ABCA4: variants seen among roughly 807,000 people sequenced by gnomAD.
The protein encoded by ABCA4 is ATP binding cassette subfamily A member 4.
In ABCA4, 196 loss-of-function variants were observed where a neutral mutation model predicts 263.7. The observed-to-expected ratio is 0.74, with a 90% CI of 0.66 to 0.84. The LOEUF (loss-of-function observed/expected upper bound fraction) is 0.84. Among genes scored for constraint, ABCA4 ranks in the 40% least tolerant of loss-of-function variants. The probability of loss-of-function intolerance (pLI) is 0.00; values close to 1 mark genes in which losing one functional copy is unlikely to be tolerated. For synonymous variants in ABCA4, 1,133 were observed against 1,094.2 expected (o/e 1.04, Z -0.70); for missense variants, 2,792 against 2,855.1 (o/e 0.98, Z 0.50).
In ABCA4 at chr1:94,112,273, C is replaced by A. The variant is rs571725619; in HGVS notation, c.161-694G>T. Among the ~76,000 whole-genome samples the A allele has an allele frequency of 2.0e-5, 3 of 152,238 alleles. No homozygotes were observed. The South Asian group carries it at 6.2e-4, about 32-fold the overall frequency. On this transcript the variant is annotated intron_variant, in intron 2 of 49. Coordinates refer to ENST00000370225, the MANE Select transcript of ABCA4 (RefSeq NM_000350.3). ...CAAGAAATAAAATTTTTCTTCAGTA[C>A]GATTGTATAGCATCTCTTGTCCTCA...
chr1:94,109,868 CT>C (rs967836728), intron 3 of ABCA4, among the ~76,000 whole-genome samples: 1 of 152,216 alleles, frequency 6.6e-6, no homozygotes, highest in African/African-American at 2.4e-5. Flanking sequence ...CAATATTTCA[CT>C]CATAATGTGA....
At position 94,028,930 on chromosome 1, in the gene ABCA4, A is replaced by AAAAAAAAAAAAAAAC. The variant is rs35998587; in HGVS notation, c.4539+514_4539+515insGTTTTTTTTTTTTTT. Among the ~76,000 whole-genome samples, 7 of 108,032 alleles carry AAAAAAAAAAAAAAAC rather than the reference A, an allele frequency of 6.5e-5. 1 individual carries two copies. Among genetic ancestry groups the AAAAAAAAAAAAAAAC allele is most frequent in the African/African-American group, 1.9e-4 (5 of 26,332 alleles). 70.9% of individuals were successfully genotyped at this position (108,032 alleles called of 152,430 possible). ...TCAAAAAAAAAAAAAAAAAAAAAAAAGAAATTCAAACAATGGGATAATATA... is the reference window on the plus strand; with the variant it reads ...TCAAAAAAAAAAAAAAAAAAAAAAAAAAAAAAAAAAAAAACGAAATTCAAACAATGGGATAATATA... On this transcript the variant is annotated intron_variant, in intron 30 of 49. Transcript: ENST00000370225.
Position 94,036,799 on chromosome 1 carries a change from GA to G in ABCA4, c.3814-12del. On this transcript the variant is annotated splice_polypyrimidine_tract_variant and intron_variant, in intron 25 of 49. Transcript: ENST00000370225. Reference sequence around the variant, plus strand: ...GACCTTCAGAAAAATCTGTCAAGAAGAAAAAAAGAGAGAATTTTGTTTAGTC... The same window carrying G: ...GACCTTCAGAAAAATCTGTCAAGAAGAAAAAAGAGAGAATTTTGTTTAGTC... 6.2e-7 allele frequency: 1 copy of G among 1,613,322 alleles called. No homozygotes were observed. Among genetic ancestry groups the G allele is most frequent in the Non-Finnish European group, 8.5e-7 (1 of 1,179,394 alleles).
chr1:94,078,564 C>G (rs1661598911), intron 10 of ABCA4, 26 bp downstream of exon 10: 1 of 887,392 alleles, frequency 1.1e-6, no homozygotes, highest in South Asian at 1.3e-5. Context: ...CCTCCCCTCC[C>G]CTCCCCATCC....
At chr1:94,016,080 T>C (rs773252911) in intron 36 of ABCA4, among the ~76,000 whole-genome samples, 17 of 152,214 alleles carry the variant, frequency 1.1e-4, no homozygotes, top group Non-Finnish European at 1.6e-4. Flanking sequence ...AGTTTGTATC[T>C]TTTGAAAGGA....
intron 13 of ABCA4, among the ~76,000 whole-genome samples, chr1:94,062,161 C>T (rs1392525159): frequency 1.3e-5 from 2 of 152,082 alleles, no homozygotes; most frequent in East Asian, 3.9e-4. Flanking sequence ...TGCATTATTC[C>T]AGGGCTCCCA....
intron 1 of ABCA4, among the ~76,000 whole-genome samples, chr1:94,113,519 G>A (rs1021427078): frequency 6.6e-6 from 1 of 152,218 alleles, no homozygotes; most frequent in Admixed American, 6.5e-5. Context: ...AGGCTCAGAG[G>A]AGGCAGGTGA....
intron 16 of ABCA4, 121 bp downstream of exon 16, chr1:94,054,990 A>T: frequency 1.9e-6 from 2 of 1,068,258 alleles, no homozygotes; most frequent in Non-Finnish European, 2.8e-6. Flanking sequence ...TTCTAGATTT[A>T]AACTTCAAAT....
chr1:94,055,327 C>A lies in ABCA4; in HGVS notation c.2383-12G>T. 6.2e-7 allele frequency: 1 copy of A among 1,613,240 alleles called. No homozygotes were observed. Among genetic ancestry groups the A allele is most frequent in the Non-Finnish European group, 8.5e-7 (1 of 1,179,794 alleles). On this transcript the variant is annotated splice_polypyrimidine_tract_variant and intron_variant, in intron 15 of 49. Coordinates refer to ENST00000370225, the MANE Select transcript of ABCA4 (RefSeq NM_000350.3). ...GGAGACAGTAAGCTCTGCAGTGAGG[C>A]GGAGAGGGCACAGAAAAAGAGCAGT...
intron 14 of ABCA4, among the ~76,000 whole-genome samples, chr1:94,057,662 C>T (rs1044478762): frequency 2.0e-5 from 3 of 152,204 alleles, no homozygotes; most frequent in African/African-American, 7.2e-5. Context: ...TTCCTAGAAC[C>T]TGCTGGCAGT....
At chr1:94,036,922 A>G (rs1660353978) in intron 25 of ABCA4, 134 bp from the exon 26 acceptor site, 2 of 970,894 alleles carry the variant, frequency 2.1e-6, no homozygotes, top group East Asian at 2.5e-5. Context: ...TGAGAACATC[A>G]TCTTCTATAA....
chr1:94,008,276 G>T lies in ABCA4; in HGVS notation c.5857C>A (p.Pro1953Thr). Residue 1953 changes from proline (P) to threonine (T), a missense_variant, in exon 42 of 50, where the codon CCA becomes ACA. Pro to Thr is a conservative substitution (Grantham distance 38). Coordinates refer to ENST00000370225, the MANE Select transcript of ABCA4 (RefSeq NM_000350.3). ...LTKIYPGTSS[P>T]AVDRLCVGVR... ...CCGACACACAGCCTGTCCACTGCTG[G>T]GCTGGAGGTGCCTGGATAAATCTGC... 1 of 1,614,174 alleles carries T rather than the reference G, an allele frequency of 6.2e-7. No individual in the cohort carries two copies. Among genetic ancestry groups the T allele is most frequent in the Non-Finnish European group, 8.5e-7 (1 of 1,180,034 alleles).
chr1:94,029,464 C>A lies in ABCA4; in HGVS notation c.4520G>T (p.Gly1507Val), dbSNP rs2101033441. ...AGGTACCTGGGGGGGCGGGAGGCCC[C>A]CGGCACCCTCGGGGCACTCTGGCAG... The part of the protein sequence containing the change: ...TMLPECPEGA[G>V]GLPPPQRTQR... The change falls in exon 30 of 50, where the codon GGG becomes GTG. Residue 1507 changes from glycine (G) to valine (V), a missense_variant. Transcript: ENST00000370225. 6.4e-7 allele frequency: 1 copy of A among 1,560,812 alleles called. No homozygotes were observed. The highest frequency in any genetic ancestry group is 8.7e-7 in the Non-Finnish European group (1 of 1,151,370).
chr1:93,999,726 A>G (rs1049694026), intron 47 of ABCA4, among the ~76,000 whole-genome samples: 1 of 152,022 alleles, frequency 6.6e-6, no homozygotes, highest in Non-Finnish European at 1.5e-5. Context: ...AAGGCTGTTT[A>G]CCTTTCAGCT....
At chr1:94,085,386 AG>A (rs1016503581) in intron 6 of ABCA4, among the ~76,000 whole-genome samples, 18 of 152,246 alleles carry the variant, frequency 1.2e-4, no homozygotes, top group Non-Finnish European at 2.5e-4. Context: ...ATAATAAAAA[AG>A]GTTTTAGTGT....
chr1:94,099,125 T>G (rs1213841450), intron 5 of ABCA4, 134 bp from the exon 6 acceptor site: 1 of 994,594 alleles, frequency 1.0e-6, no homozygotes, highest in Non-Finnish European at 1.5e-6. Context: ...TTAAAGCCAC[T>G]GATTAGCTGA....
chr1:94,004,280 C>T (rs754744133), intron 44 of ABCA4, among the ~76,000 whole-genome samples: 2 of 152,232 alleles, frequency 1.3e-5, no homozygotes, highest in Non-Finnish European at 2.9e-5. Context: ...GGTTCCTATC[C>T]ATGACCTCAC....
intron 1 of ABCA4, 31 bp downstream of exon 1, chr1:94,120,949 T>A: frequency 1.8e-6 from 2 of 1,119,352 alleles, no homozygotes; most frequent in Non-Finnish European, 2.4e-6. Context: ...GCTCCACACC[T>A]CATTTTTAAA....
chr1:94,021,981 A>T, intron 32 of ABCA4, 30 bp from the exon 33 acceptor site: 1 of 1,597,456 alleles, frequency 6.3e-7, no homozygotes, highest in Non-Finnish European at 8.6e-7. Context: ...TCCTCAGACC[A>T]GGGCCACGAA....
Sources: allele counts gnomAD v4.1 joint callset (sites outside exome capture counted in the v4.1 genomes callset), GRCh38; gene constraint gnomAD v4.1.1; transcripts MANE v1.5; gene names NCBI Gene and HGNC (gene_info 2026-07-23, HGNC 2026-07-21).